Variants in PCDH9 observed in about 807,000 individuals in gnomAD.
The protein encoded by PCDH9 is protocadherin-9.
Under a neutral mutation model 70.6 loss-of-function variants are expected in PCDH9, and 24 were observed. The ratio of observed to expected loss-of-function variants is 0.34; its 90% CI spans 0.25 to 0.48. The LOEUF (loss-of-function observed/expected upper bound fraction) is 0.48. Ranked by LOEUF, PCDH9 falls within the 20% of genes least tolerant of loss-of-function variation. The pLI, the probability that PCDH9 is intolerant of heterozygous loss-of-function variation, is 0.99. For synonymous variants in PCDH9, 562 were observed against 558.5 expected (o/e 1.01, Z -0.09); for missense variants, 1,281 against 1,503.6 (o/e 0.85, Z 2.45).
intron 4 of PCDH9, among the ~76,000 whole-genome samples, chr13:66,316,642 C>T (rs1955656007): frequency 6.6e-6 from 1 of 152,162 alleles, no homozygotes; most frequent in Non-Finnish European, 1.5e-5. Flanking sequence ...TAGGTGTCCT[C>T]TCAAAAGTCA....
At chr13:66,347,095 C>T (rs1956222676) in intron 4 of PCDH9, among the ~76,000 whole-genome samples, 1 of 152,120 alleles carries the variant, frequency 6.6e-6, no homozygotes, top group African/African-American at 2.4e-5. Context: ...TTATAAGTTA[C>T]AGCTAGCTAT....
chr13:66,613,195 C>T (rs2077314165), intron 4 of PCDH9, among the ~76,000 whole-genome samples: 2 of 152,142 alleles, frequency 1.3e-5, no homozygotes, highest in African/African-American at 4.8e-5. Context: ...TCGAAGAGTG[C>T]AGCAGAGCCG....
chr13:66,589,983 T>A lies in PCDH9; in HGVS notation c.3340+41227A>T, dbSNP rs190795749. Among the ~76,000 whole-genome samples the A allele has an allele frequency of 2.2e-4, 33 of 152,116 alleles. 2 individuals carry two copies. The East Asian group carries it at 6.4e-3, about 29-fold the overall frequency. On this transcript the variant is annotated intron_variant, in intron 4 of 4. Coordinates refer to ENST00000377865, the MANE Select transcript of PCDH9 (RefSeq NM_203487.3). The stretch of plus-strand genomic sequence containing the variant: ...AAGTATAATTTTTTAAAAGTATGAT[T>A]TAATGAGAAGGCAGAATCCAATATA...
chr13:66,512,545 T>C (rs1959530435), intron 4 of PCDH9, among the ~76,000 whole-genome samples: 1 of 152,068 alleles, frequency 6.6e-6, no homozygotes, highest in Admixed American at 6.6e-5. Flanking sequence ...ATCTCCACAA[T>C]ACCCCCAGAT....
At chr13:66,603,953 T>G (rs1180450264) in intron 4 of PCDH9, among the ~76,000 whole-genome samples, 2 of 152,056 alleles carry the variant, frequency 1.3e-5, no homozygotes, top group Non-Finnish European at 2.9e-5. Flanking sequence ...GGTAATATTT[T>G]CTTAAATTAG....
chr13:66,877,401 T>C (rs1324708523), intron 3 of PCDH9, among the ~76,000 whole-genome samples: 1 of 151,706 alleles, frequency 6.6e-6, no homozygotes, highest in Non-Finnish European at 1.5e-5. Context: ...TTTTTTGTTA[T>C]TATTTTTTTA....
At chr13:66,888,420 T>C (rs1435558481) in intron 3 of PCDH9, among the ~76,000 whole-genome samples, 2 of 151,730 alleles carry the variant, frequency 1.3e-5, no homozygotes, top group Non-Finnish European at 2.9e-5. Context: ...GAGGATTGCT[T>C]GAGCCTGCAC....
At chr13:66,995,567 T>G (rs2084096982) in intron 2 of PCDH9, among the ~76,000 whole-genome samples, 1 of 152,188 alleles carries the variant, frequency 6.6e-6, no homozygotes, top group African/African-American at 2.4e-5. Flanking sequence ...GGTTAGGAAG[T>G]TAGAATTGTT....
chr13:66,752,183 G>C lies in PCDH9; in HGVS notation c.3139-120772C>G, dbSNP rs1460105611. Among the ~76,000 whole-genome samples, 3 of 152,300 alleles carry C rather than the reference G, an allele frequency of 2.0e-5. No individual in the cohort carries two copies. The East Asian group carries it at 5.8e-4, about 29-fold the overall frequency. ...CTGACAGAAACGTGTGGCTGGAATA[G>C]AGTAAGTAAGAAAGAGAAAAGAAAA... On this transcript the variant is annotated intron_variant, in intron 3 of 4. Transcript: ENST00000377865.
At chr13:66,819,337 A>AC (rs879587405) in intron 3 of PCDH9, among the ~76,000 whole-genome samples, 2 of 150,082 alleles carry the variant, frequency 1.3e-5, no homozygotes, top group African/African-American at 2.5e-5. Context: ...AAAAAAAAAA[A>AC]CCTTTCAAAA....
chr13:66,455,640 C>G (rs9540761), intron 4 of PCDH9, among the ~76,000 whole-genome samples: 72,926 of 151,892 alleles, frequency 0.48, 18,225 homozygotes, highest in Admixed American at 0.61. Context: ...TGGGTCTATT[C>G]ATTTTTACCA....
intron 3 of PCDH9, among the ~76,000 whole-genome samples, chr13:66,739,441 C>A (rs1056806530): frequency 2.0e-5 from 3 of 150,578 alleles, no homozygotes; most frequent in African/African-American, 7.3e-5. Flanking sequence ...AACTAACGAG[C>A]AAAATCACCA....
Position 66,826,653 on chromosome 13 carries a change from T to TA in PCDH9, c.3138+76850dup, listed in dbSNP as rs563159607. On this transcript the variant is annotated intron_variant, in intron 3 of 4. Coordinates refer to ENST00000377865, the MANE Select transcript of PCDH9 (RefSeq NM_203487.3). Reference sequence around the variant, plus strand: ...TAGTGTGGTGAAGGCAATAAGATAGTAAAAAAAATAAAATATTAGTGTTAT... The same window carrying TA: ...TAGTGTGGTGAAGGCAATAAGATAGTAAAAAAAAATAAAATATTAGTGTTAT... Among the ~76,000 whole-genome samples, 82 of 151,874 alleles carry TA rather than the reference T, an allele frequency of 5.4e-4. 1 individual carries two copies. In the South Asian group the frequency reaches 6.2e-3, roughly 12 times the overall value.
At chr13:66,482,620 C>T (rs1958861805) in intron 4 of PCDH9, among the ~76,000 whole-genome samples, 1 of 152,184 alleles carries the variant, frequency 6.6e-6, no homozygotes, top group Non-Finnish European at 1.5e-5. Flanking sequence ...GGAAAGGAGG[C>T]ACATCCTGGG....
chr13:66,605,428 G>T (rs2077211409), intron 4 of PCDH9, among the ~76,000 whole-genome samples: 1 of 152,076 alleles, frequency 6.6e-6, no homozygotes, highest in Non-Finnish European at 1.5e-5. Context: ...AACCATAAAA[G>T]TTCTGAAAGA....
rs973978237 is a variant in PCDH9, at chr13:66,812,225, G to T, written c.3138+91279C>A. On this transcript the variant is annotated intron_variant, in intron 3 of 4. Coordinates refer to ENST00000377865, the MANE Select transcript of PCDH9 (RefSeq NM_203487.3). ...ATGAGAGTTTTTTAATGGAAGAAAA[G>T]GCAGTGCCAAAATATATAACGTGAC... Among the ~76,000 whole-genome samples, 20 of 152,068 alleles carry T rather than the reference G, an allele frequency of 1.3e-4. 1 individual carries two copies. The highest frequency in any genetic ancestry group is 2.2e-4 in the Non-Finnish European group (15 of 68,018).
intron 4 of PCDH9, among the ~76,000 whole-genome samples, chr13:66,445,549 A>G (rs1333287271): frequency 1.4e-5 from 2 of 143,704 alleles, no homozygotes; most frequent in Non-Finnish European, 3.0e-5. Context: ...TTATATATAC[A>G]CATATATAAT....
chr13:66,978,464 T>C (rs146457043), intron 2 of PCDH9: 29 of 152,118 alleles, frequency 1.9e-4, no homozygotes, highest in African/African-American at 6.5e-4. Flanking sequence ...TTTACAAGTT[T>C]CTTAAAGGTA....
At chr13:66,948,919 C>T (rs747411458) in intron 2 of PCDH9, among the ~76,000 whole-genome samples, 9 of 152,042 alleles carry the variant, frequency 5.9e-5, no homozygotes, top group Admixed American at 1.3e-4. Context: ...TTTGAAACTA[C>T]GCAGTAGGGT....
Sources: allele counts gnomAD v4.1 joint callset (sites outside exome capture counted in the v4.1 genomes callset), GRCh38; gene constraint gnomAD v4.1.1; transcripts MANE v1.5; gene names NCBI Gene and HGNC (gene_info 2026-07-23, HGNC 2026-07-21).